The following POU2AF2 variants were observed in gnomAD, a reference collection of about 807,000 sequenced individuals.
POU2AF2 encodes POU class 2 homeobox associating factor 2, also known as POU domain class 2-associating factor 2.
At chr11:111,281,186 T>A in the POU2AF2 span, among the ~76,000 whole-genome samples, 1 of 152,228 alleles carries the variant, frequency 6.6e-6, no homozygotes, top group African/African-American at 2.4e-5. Flanking sequence ...GGCATGTTTA[T>A]CAAAATGTAA....
chr11:111,253,805 C>T, the POU2AF2 span, among the ~76,000 whole-genome samples: 3 of 152,206 alleles, frequency 2.0e-5, no homozygotes, highest in Non-Finnish European at 4.4e-5. Context: ...TCCCCAGCCT[C>T]ACTTCCTGCC....
At chr11:111,284,079 C>G in the POU2AF2 span, 1 of 1,608,168 alleles carries the variant, frequency 6.2e-7, no homozygotes, top group South Asian at 1.1e-5. Context: ...GCAACAGGTT[C>G]GCCGGTCACG....
At chr11:111,281,314 C>G in the POU2AF2 span, 1 of 1,173,734 alleles carries the variant, frequency 8.5e-7, no homozygotes, top group Admixed American at 2.1e-5. Flanking sequence ...TATCATAAAA[C>G]CAAGCTTATA....
the POU2AF2 span, among the ~76,000 whole-genome samples, chr11:111,271,520 C>T: frequency 5.9e-5 from 9 of 151,970 alleles, no homozygotes; most frequent in East Asian, 1.9e-4. Context: ...CTTCTGGGCT[C>T]GGGAGATCTT....
chr11:111,285,843 T>C, the POU2AF2 span: 1 of 1,609,628 alleles, frequency 6.2e-7, no homozygotes, highest in East Asian at 2.2e-5. Flanking sequence ...CTGCATGCTC[T>C]GGAAGATCTG....
chr11:111,269,746 T>C, the POU2AF2 span, among the ~76,000 whole-genome samples: 6 of 152,066 alleles, frequency 3.9e-5, no homozygotes, highest in East Asian at 3.8e-4. Context: ...GATCCAGGGG[T>C]AAAAAATGTG....
the POU2AF2 span, among the ~76,000 whole-genome samples, chr11:111,274,635 C>T: frequency 8.4e-3 from 1,258 of 150,404 alleles, 20 homozygotes; most frequent in African/African-American, 0.028. Context: ...GCACCCCACC[C>T]GATCCTCTTT....
chr11:111,285,963 C>G, the POU2AF2 span: 37 of 1,613,896 alleles, frequency 2.3e-5, no homozygotes, highest in Non-Finnish European at 3.0e-5. Flanking sequence ...GATGAGGAAG[C>G]AGACACCGGT....
chr11:111,280,040 C>CAAAAAA, the POU2AF2 span, among the ~76,000 whole-genome samples: 1 of 72,614 alleles, frequency 1.4e-5, no homozygotes, highest in African/African-American at 4.8e-5. Flanking sequence ...GACTCCATCT[C>CAAAAAA]AAAAAAAAAA....
At chr11:111,276,222 A>G in the POU2AF2 span, among the ~76,000 whole-genome samples, 1 of 151,904 alleles carries the variant, frequency 6.6e-6, no homozygotes, top group East Asian at 1.9e-4. Context: ...GGTGAACTTG[A>G]AGAACCTCAA....
At chr11:111,283,172 G>T in the POU2AF2 span, among the ~76,000 whole-genome samples, 1 of 149,750 alleles carries the variant, frequency 6.7e-6, no homozygotes, top group Admixed American at 6.7e-5. Context: ...CTGAGTAACT[G>T]GGACTACAGC....
chr11:111,273,103 A>G, the POU2AF2 span, among the ~76,000 whole-genome samples: 1 of 152,264 alleles, frequency 6.6e-6, no homozygotes. Flanking sequence ...TTCAAAAGTA[A>G]TAAGATTTAT....
the POU2AF2 span, chr11:111,286,214 T>A: frequency 1.4e-6 from 1 of 712,104 alleles, no homozygotes. Context: ...CTCTCCACTG[T>A]AACCCCACTG....
the POU2AF2 span, among the ~76,000 whole-genome samples, chr11:111,279,001 G>A: frequency 1.3e-5 from 2 of 152,184 alleles, no homozygotes; most frequent in South Asian, 4.1e-4. Flanking sequence ...ACTCTTGAGA[G>A]TCTATAGAAT....
the POU2AF2 span, among the ~76,000 whole-genome samples, chr11:111,263,427 C>CTTTTTTTTTTT: frequency 1.0e-5 from 1 of 96,146 alleles, no homozygotes; most frequent in Non-Finnish European, 2.0e-5. Context: ...TACTGAAGTT[C>CTTTTTTTTTTT]TTTTTTTTTT....
chr11:111,260,894 G>T, the POU2AF2 span, among the ~76,000 whole-genome samples: 1 of 152,166 alleles, frequency 6.6e-6, no homozygotes, highest in African/African-American at 2.4e-5. Context: ...TGCCCAAATT[G>T]CTGCTCTTTT....
At chr11:111,278,368 G>T in the POU2AF2 span, among the ~76,000 whole-genome samples, 5 of 152,312 alleles carry the variant, frequency 3.3e-5, no homozygotes, top group Middle Eastern at 3.4e-3. Context: ...TCGAACTCGA[G>T]GTTGATATTA....
chr11:111,259,600 G>C, the POU2AF2 span, among the ~76,000 whole-genome samples: 8 of 152,152 alleles, frequency 5.3e-5, no homozygotes, highest in African/African-American at 1.9e-4. Context: ...ACAGGCGTGA[G>C]CCACCGTGCC....
At chr11:111,269,495 C>T in the POU2AF2 span, among the ~76,000 whole-genome samples, 1 of 152,152 alleles carries the variant, frequency 6.6e-6, no homozygotes, top group Admixed American at 6.5e-5. Flanking sequence ...CTTATTTTTT[C>T]AGCTGCTCTA....
Sources: allele counts gnomAD v4.1 joint callset (sites outside exome capture counted in the v4.1 genomes callset), GRCh38; gene constraint gnomAD v4.1.1; transcripts MANE v1.5; gene names NCBI Gene and HGNC (gene_info 2026-07-23, HGNC 2026-07-21).